Variants in NCALD observed in about 807,000 individuals in gnomAD.
NCALD encodes neurocalcin-delta.
In NCALD, 10 loss-of-function variants were observed where a neutral mutation model predicts 18.6. That is an observed-to-expected ratio of 0.54 (90% confidence interval 0.33 to 0.91). The LOEUF (loss-of-function observed/expected upper bound fraction) is 0.91, where lower values mean the gene tolerates loss of function less well. NCALD is among the 40% of genes least tolerant of loss of function. The pLI, the probability that NCALD is intolerant of heterozygous loss-of-function variation, is 0.03. For synonymous variants in NCALD, 88 were observed against 87.4 expected, an observed-to-expected ratio of 1.01 and a Z score of -0.04; for missense variants, 184 against 247.6, an observed-to-expected ratio of 0.74 and a Z score of 1.72.
intron 4 of NCALD, among the ~76,000 whole-genome samples, chr8:101,799,703 T>C (rs906475524): frequency 2.6e-5 from 4 of 152,198 alleles, no homozygotes; most frequent in African/African-American, 9.6e-5. Context: ...TCCACTTCCG[T>C]AACATTCTTG....
chr8:102,098,965 A>T (rs1309592411), intron 1 of NCALD, among the ~76,000 whole-genome samples: 2 of 152,194 alleles, frequency 1.3e-5, no homozygotes, highest in Non-Finnish European at 2.9e-5. Context: ...AAGCTTGTTA[A>T]TTGTGAGGGT....
intron 4 of NCALD, among the ~76,000 whole-genome samples, chr8:101,804,561 A>T (rs1469535897): frequency 3.3e-5 from 4 of 121,408 alleles, no homozygotes; most frequent in South Asian, 2.3e-4. Flanking sequence ...TGATTATATA[A>T]TATATAATTA....
chr8:101,935,783 CTTTTTTT>C (rs35929551), intron 2 of NCALD, among the ~76,000 whole-genome samples: 3 of 103,478 alleles, frequency 2.9e-5, no homozygotes, highest in African/African-American at 1.1e-4. Flanking sequence ...TCAAGAGATT[CTTTTTTT>C]TTTTTTTTTT....
chr8:101,845,147 G>T (rs539519611), intron 4 of NCALD, among the ~76,000 whole-genome samples: 5 of 152,206 alleles, frequency 3.3e-5, no homozygotes, highest in Non-Finnish European at 5.9e-5. Flanking sequence ...GTCTATGAAC[G>T]ATTTGTTTCT....
At chr8:101,741,763 CAAAAAAA>C (rs68064092) in intron 1 of NCALD, among the ~76,000 whole-genome samples, 4,459 of 69,930 alleles carry the variant, frequency 0.064, 120 homozygotes, top group Middle Eastern at 0.14. Context: ...CTCATCTCTA[CAAAAAAA>C]AAAAAAAAAA....
chr8:101,849,546 C>T (rs1219391433), intron 4 of NCALD, among the ~76,000 whole-genome samples: 1 of 152,024 alleles, frequency 6.6e-6, no homozygotes, highest in Non-Finnish European at 1.5e-5. Flanking sequence ...TGTAAATGGT[C>T]TTCATTTCCC....
intron 2 of NCALD, among the ~76,000 whole-genome samples, chr8:101,706,332 G>C (rs114828336): frequency 0.016 from 2,402 of 150,822 alleles, 21 homozygotes; most frequent in Middle Eastern, 0.045. Flanking sequence ...AAAAAAAAGG[G>C]AGTGGTGGGG....
intron 1 of NCALD, among the ~76,000 whole-genome samples, chr8:102,105,205 C>T (rs1319015899): frequency 1.3e-5 from 2 of 152,172 alleles, no homozygotes; most frequent in Admixed American, 6.5e-5. Flanking sequence ...TAAAGAGATA[C>T]AGACTGTATA....
At chr8:101,760,496 G>C (rs1024382751) in intron 1 of NCALD, among the ~76,000 whole-genome samples, 1 of 152,214 alleles carries the variant, frequency 6.6e-6, no homozygotes, top group African/African-American at 2.4e-5. Context: ...GTCTGGATTA[G>C]GGGTGGCTGA....
intron 1 of NCALD, among the ~76,000 whole-genome samples, chr8:102,104,092 T>A (rs1476376735): frequency 1.3e-5 from 2 of 152,120 alleles, no homozygotes; most frequent in Admixed American, 1.3e-4. Context: ...TCAAACTATA[T>A]CCGCACGCGT....
rs533570506 is a variant in NCALD, at chr8:102,008,014, T to C, written c.-157+12223A>G. 1.1e-4 allele frequency among the ~76,000 whole-genome samples: 17 copies of C among 152,322 alleles called. No individual in the cohort carries two copies. The South Asian group carries it at 3.3e-3, about 30-fold the overall frequency. ...ACCTAAGCTTCCCCCTCTATACCCA[T>C]ATTTTTGCCTATTTATTGTAGATAT... On this transcript the variant is annotated intron_variant, in intron 2 of 6. Coordinates refer to the NCALD transcript ENST00000311028.
chr8:101,999,449 C>T (rs769092932), intron 2 of NCALD, among the ~76,000 whole-genome samples: 8 of 152,096 alleles, frequency 5.3e-5, no homozygotes, highest in Admixed American at 1.3e-4. Flanking sequence ...TGTTCTCACG[C>T]GTAATTGGGA....
intron 1 of NCALD, among the ~76,000 whole-genome samples, chr8:101,748,715 A>C (rs543817183): frequency 2.6e-4 from 39 of 152,376 alleles, no homozygotes; most frequent in African/African-American, 8.9e-4. Context: ...CAGAGAGGTT[A>C]AGTGAGTTAT....
intron 1 of NCALD, among the ~76,000 whole-genome samples, chr8:102,107,176 C>T (rs1235742360): frequency 7.7e-6 from 1 of 130,608 alleles, no homozygotes; most frequent in African/African-American, 2.9e-5. Context: ...TATTTATCTA[C>T]AGCCTATATA....
chr8:102,001,722 C>T (rs1266236992), intron 2 of NCALD, among the ~76,000 whole-genome samples: 2 of 152,256 alleles, frequency 1.3e-5, no homozygotes, highest in Non-Finnish European at 1.5e-5. Flanking sequence ...GGTCAATATT[C>T]GACATTCTTA....
chr8:101,687,114 C>T lies in NCALD; in HGVS notation c.*2195G>A, dbSNP rs1001118761. 5 of 152,288 alleles carry T rather than the reference C, an allele frequency of 3.3e-5. No homozygotes were observed. Among genetic ancestry groups the T allele is most frequent in the South Asian group, 2.1e-4 (1 of 4,832 alleles). 9.4% of individuals were successfully genotyped at this position (152,288 alleles called of 1,614,324 possible). A position where few individuals can be genotyped will look rare whatever the true frequency, so the allele number is the denominator to read the frequency against. On this transcript the variant is annotated 3_prime_UTR_variant, in exon 4 of 4. Coordinates refer to ENST00000220931, the MANE Select transcript of NCALD (RefSeq NM_032041.3). ...TCTGGAATAGCCGGAGACCTCTACT[C>T]CTCACTCCAGCTCTAGGTTCCAAGG...
chr8:101,691,688 C>A (rs1267335315), intron 3 of NCALD: 10 of 985,230 alleles, frequency 1.0e-5, no homozygotes, highest in Non-Finnish European at 1.2e-5. Context: ...TGGAATGGCA[C>A]CTTTGTGGAG....
chr8:101,745,294 C>T (rs1173822619), intron 1 of NCALD, among the ~76,000 whole-genome samples: 1 of 152,110 alleles, frequency 6.6e-6, no homozygotes, highest in Non-Finnish European at 1.5e-5. Flanking sequence ...ATGTTCAGTG[C>T]CCAGCCATCA....
chr8:101,901,078 G>A (rs1817402464), intron 3 of NCALD, among the ~76,000 whole-genome samples: 1 of 151,758 alleles, frequency 6.6e-6, no homozygotes, highest in South Asian at 2.1e-4. Context: ...TGGTAGATTG[G>A]CCCTTTTATC....
Sources: allele counts gnomAD v4.1 joint callset (sites outside exome capture counted in the v4.1 genomes callset), GRCh38; gene constraint gnomAD v4.1.1; transcripts MANE v1.5; gene names NCBI Gene and HGNC (gene_info 2026-07-23, HGNC 2026-07-21).